KRT79: variants seen among roughly 807,000 people sequenced by gnomAD.
KRT79 encodes keratin, type II cytoskeletal 79.
In KRT79, 51 loss-of-function variants were observed where a neutral mutation model predicts 49.0. The observed-to-expected ratio is 1.04, with a 90% CI of 0.83 to 1.31. The LOEUF (loss-of-function observed/expected upper bound fraction) is 1.31. KRT79 is among the 40% of genes most tolerant of loss of function. The pLI, the probability that KRT79 is intolerant of heterozygous loss-of-function variation, is 0.00. For missense variants in KRT79, 728 were observed against 688.0 expected (o/e 1.06, Z -0.65); for synonymous variants, 312 against 286.6 (o/e 1.09, Z -0.90).
Position 52,824,325 on chromosome 12 carries a change from T to A in KRT79, c.893A>T (p.Asn298Ile), listed in dbSNP as rs1355193157. The A allele has an allele frequency of 6.2e-7, 1 of 1,614,196 alleles. No homozygotes were observed. The highest frequency in any genetic ancestry group is 8.5e-7 in the Non-Finnish European group (1 of 1,180,030). The change falls in exon 5 of 9, where the codon AAT (asparagine) becomes ATT (isoleucine). Residue 298 changes from asparagine (N) to isoleucine (I), a missense_variant. Transcript: ENST00000330553. ...SQVQTHVSNT[N>I]VVLSMDNNRN... ...GTTGTTGTCCATGGACAGCACCACA[T>A]TGGTGTTAGACACGTGGGTCTGCAC...
In KRT79 at chr12:52,823,192, C is replaced by T. The variant is rs764824685; in HGVS notation, c.1191G>A (p.Gly397=). Residue 397 remains glycine, a synonymous_variant, in exon 7 of 9, where the codon GGG becomes GGA. Transcript: ENST00000330553. ...TCTGAGCATCCTTGAGTGCCAGCTC[C>T]CCACGCTGCTCCGCTTCCGCAATGG... ...QTAIAEAEQR[G]ELALKDAQKK... 3 of 1,614,214 alleles carry T rather than the reference C, an allele frequency of 1.9e-6. No individual in the cohort carries two copies. The highest frequency in any genetic ancestry group is 3.3e-5 in the Admixed American group (2 of 60,028).
Position 52,830,108 on chromosome 12 carries a change from G to A in KRT79, c.770C>T (p.Ala257Val). 6.2e-7 allele frequency: 1 copy of A among 1,614,092 alleles called. No homozygotes were observed. The highest frequency in any genetic ancestry group is 8.5e-7 in the Non-Finnish European group (1 of 1,179,968). ...CAGATCCATCCGGCCCATGTATGCT[G>A]CATCCACATCCTGGGGACGAGAGAG... Reference protein sequence around the residue: ...EFVVLKKDVDAAYMGRMDLHG... With the variant: ...EFVVLKKDVDVAYMGRMDLHG... The change falls in exon 4 of 9, where the codon GCA becomes GTA. Residue 257 changes from alanine (A) to valine (V), a missense_variant. Coordinates refer to ENST00000330553, the MANE Select transcript of KRT79 (RefSeq NM_175834.3).
rs759095367 is a variant in KRT79, at chr12:52,822,092, G to T, written c.1403-15C>A. 1.2e-6 allele frequency: 2 copies of T among 1,613,126 alleles called. No individual in the cohort carries two copies. Among genetic ancestry groups the T allele is most frequent in the Admixed American group, 3.3e-5 (2 of 60,024 alleles). ...GCCAGTCACAGCTGCAAAGCAAAGG[G>T]TCTGGATTAGTCAGGGCGGCCATGC... On this transcript the variant is annotated splice_polypyrimidine_tract_variant and intron_variant, in intron 8 of 8. Coordinates refer to ENST00000330553, the MANE Select transcript of KRT79 (RefSeq NM_175834.3).
Position 52,821,614 on chromosome 12 carries a change from A to ACCGTGTCATT in KRT79, c.*257_*258insAATGACACGG. The ACCGTGTCATT allele has an allele frequency of 1.3e-5, 5 of 391,616 alleles. No homozygotes were observed. Among genetic ancestry groups the ACCGTGTCATT allele is most frequent in the South Asian group, 6.5e-5 (2 of 30,846 alleles). 24.3% of individuals were successfully genotyped at this position (391,616 alleles called of 1,614,324 possible). ...GAAATTCAGCCTCCTCTCGGTGGTC[A>ACCGTGTCATT]AAAGGTCACCCCCAAGTCACCCAAG... On this transcript the variant is annotated 3_prime_UTR_variant, in exon 9 of 9. Coordinates refer to ENST00000330553, the MANE Select transcript of KRT79 (RefSeq NM_175834.3).
At position 52,831,551 on chromosome 12, in the gene KRT79, C is replaced by A; in HGVS notation, c.553G>T (p.Gly185Cys). ...ALLQEQGQNL[G>C]VTRNNLEPLF... is the part of the protein sequence containing the mutation. ...GGCTCCAGGTTGTTCCTGGTGACAC[C>A]CAAGTTCTGGCCCTGCTCCTGCAGC... The change falls in exon 2 of 9, where the codon GGT becomes TGT. Residue 185 changes from glycine to cysteine, a missense_variant. Transcript: ENST00000330553. 3 of 1,614,228 alleles carry A rather than the reference C, an allele frequency of 1.9e-6. No individual in the cohort carries two copies. The highest frequency in any genetic ancestry group is 2.2e-5 in the East Asian group (1 of 44,888).
intron 4 of KRT79, among the ~76,000 whole-genome samples, chr12:52,829,168 CTG>C (rs1370824977): frequency 6.6e-6 from 1 of 152,174 alleles, no homozygotes; most frequent in Non-Finnish European, 1.5e-5. Flanking sequence ...CCCTAAGAGT[CTG>C]TGATTCTGCG....
In KRT79 at chr12:52,823,168, C is replaced by T; in HGVS notation, c.1215G>A (p.Gln405=). 1 of 1,614,240 alleles carries T rather than the reference C, an allele frequency of 6.2e-7. No individual in the cohort carries two copies. ...QRGELALKDA[Q]KKLGDLDVAL... The stretch of plus-strand genomic sequence containing the variant: ...CCACATCCAGATCCCCAAGCTTCTT[C>T]TGAGCATCCTTGAGTGCCAGCTCCC... The change falls in exon 7 of 9, where the codon CAG becomes CAA. Residue 405 remains glutamine (Q), a synonymous_variant. Coordinates refer to ENST00000330553, the MANE Select transcript of KRT79 (RefSeq NM_175834.3).
At chr12:52,830,364 T>C in intron 2 of KRT79, 72 bp from the exon 3 acceptor site, 1 of 1,359,530 alleles carries the variant, frequency 7.4e-7, no homozygotes, top group Non-Finnish European at 1.1e-6. Context: ...CACTCAGCCT[T>C]ACAGAAGCCC....
chr12:52,831,295 TGTGCATCCCCCAG>T, intron 2 of KRT79, 98 bp downstream of exon 2: 1 of 958,248 alleles, frequency 1.0e-6, no homozygotes, highest in Non-Finnish European at 1.6e-6. Flanking sequence ...CAGCTCTGTC[TGTGCATCCCCCAG>T]GTGGGCCTGG....
chr12:52,823,846 A>G (rs1940136446), intron 6 of KRT79, 41 bp downstream of exon 6: 1 of 1,586,492 alleles, frequency 6.3e-7, no homozygotes, highest in South Asian at 1.1e-5. Context: ...AGGCCCTGCC[A>G]ACACCTAGGC....
intron 2 of KRT79, chr12:52,830,505 C>T (rs1212069664): frequency 1.8e-5 from 10 of 569,866 alleles, no homozygotes; most frequent in Admixed American, 3.1e-5. Flanking sequence ...GAAAGAGGCA[C>T]AGAATTTGTG....
chr12:52,831,668 T>C lies in KRT79; in HGVS notation c.478-42A>G, dbSNP rs375552558. On this transcript the variant is annotated intron_variant, in intron 1 of 8. Transcript: ENST00000330553. ...AGGGTGGGCTGATGTCACCCTCCGG[T>C]CACCAGAGGAGCCAAGGATGGGGTC... The C allele has an allele frequency of 1.9e-5, 29 of 1,540,770 alleles. No individual in the cohort carries two copies. In the African/African-American group the frequency reaches 3.8e-4, roughly 20 times the overall value.
intron 4 of KRT79, 67 bp downstream of exon 4, chr12:52,829,956 C>T (rs186213582): frequency 7.4e-7 from 1 of 1,345,890 alleles, no homozygotes; most frequent in Non-Finnish European, 1.1e-6. Context: ...CAGGTCAGAC[C>T]TCCATGGAAA....
At chr12:52,828,680 C>T (rs1592318058) in intron 4 of KRT79, among the ~76,000 whole-genome samples, 1 of 152,300 alleles carries the variant, frequency 6.6e-6, no homozygotes, top group African/African-American at 2.4e-5. Flanking sequence ...CATTTGAAAG[C>T]ATTTATGTGA....
rs750144914 is a variant in KRT79 at position 52,831,497 on chromosome 12, G to A, written c.607C>T (p.Arg203Trp). The A allele has an allele frequency of 6.2e-6, 10 of 1,614,078 alleles. No homozygotes were observed. Among genetic ancestry groups the A allele is most frequent in the African/African-American group, 4.0e-5 (3 of 74,916 alleles). Residue 203 changes from arginine (R) to tryptophan (W), a missense_variant, in exon 2 of 9, where the codon CGG becomes TGG. Arg to Trp is a moderately radical substitution (Grantham distance 101). Coordinates refer to ENST00000330553, the MANE Select transcript of KRT79 (RefSeq NM_175834.3). ...PLFEAYLGSM[R>W]STLDRLQSER... The stretch of plus-strand genomic sequence containing the variant: ...CTCTGAAGTCTGTCCAGCGTGCTCC[G>A]CATGCTACCCAGGTAGGCCTCAAAG...
At position 52,830,308 on chromosome 12, in the gene KRT79, G is replaced by C. The variant is rs763855226; in HGVS notation, c.699-16C>G. On this transcript the variant is annotated splice_polypyrimidine_tract_variant and intron_variant, in intron 2 of 8. Transcript: ENST00000330553. The stretch of plus-strand genomic sequence containing the variant: ...ATCCTCGTACCTGTTACACATGGGA[G>C]ACTCAGGCCAGGCTCAGCCTGGCTC... The C allele has an allele frequency of 1.7e-5, 27 of 1,613,390 alleles. No individual in the cohort carries two copies. In the Middle Eastern group the frequency reaches 4.9e-4, roughly 29 times the overall value.
intron 7 of KRT79, among the ~76,000 whole-genome samples, chr12:52,822,627 C>A (rs1940109246): frequency 6.6e-6 from 1 of 152,214 alleles, no homozygotes; most frequent in South Asian, 2.1e-4. Flanking sequence ...CCCATGTGGG[C>A]TACGGACAGC....
At chr12:52,823,770 T>A (rs192308652) in intron 6 of KRT79, 117 bp downstream of exon 6, 102 of 1,223,998 alleles carry the variant, frequency 8.3e-5, no homozygotes, top group Non-Finnish European at 1.0e-4. Flanking sequence ...CTGTGATCAA[T>A]GGCCTAGCAT....
chr12:52,821,631 TCACC>T lies in KRT79; in HGVS notation c.*237_*240del. ...CGGTGGTCAAAAGGTCACCCCCAAG[TCACC>T]CAAGCACATCACTCAAGCTGGCAAC... On this transcript the variant is annotated 3_prime_UTR_variant, in exon 9 of 9. Transcript: ENST00000330553. 1.8e-6 allele frequency: 1 copy of T among 543,546 alleles called. No individual in the cohort carries two copies. The highest frequency in any genetic ancestry group is 3.3e-6 in the Non-Finnish European group (1 of 302,438). 33.7% of individuals were successfully genotyped at this position (543,546 alleles called of 1,614,324 possible). A position where few individuals can be genotyped will look rare whatever the true frequency, so the allele number is the denominator to read the frequency against.
Sources: allele counts gnomAD v4.1 joint callset (sites outside exome capture counted in the v4.1 genomes callset), GRCh38; gene constraint gnomAD v4.1.1; transcripts MANE v1.5; gene names NCBI Gene and HGNC (gene_info 2026-07-23, HGNC 2026-07-21).